The following ANKRD30BL variants were observed in gnomAD, a reference collection of about 807,000 sequenced individuals.
The protein encoded by ANKRD30BL is putative ankyrin repeat domain-containing protein 30B-like.
Under a neutral mutation model 18.4 loss-of-function variants are expected in ANKRD30BL, and 20 were observed. That is an observed-to-expected ratio of 1.09 (90% CI 0.77 to 1.58). ANKRD30BL has a LOEUF of 1.58. ANKRD30BL is among the 40% of genes most tolerant of loss of function. The probability of loss-of-function intolerance (pLI) is 0.00; values close to 1 mark genes in which losing one functional copy is unlikely to be tolerated. For missense variants in ANKRD30BL, 224 were observed against 268.6 expected (o/e 0.83, Z 1.16); for synonymous variants, 72 against 100.9 (o/e 0.71, Z 1.72).
At chr2:132,238,063 C>T (rs1444334865) in intron 1 of ANKRD30BL, among the ~76,000 whole-genome samples, 1 of 151,840 alleles carries the variant, frequency 6.6e-6, no homozygotes, top group African/African-American at 2.4e-5. Context: ...TTTTGAAACA[C>T]TTTTTTTGTA....
intron 1 of ANKRD30BL, among the ~76,000 whole-genome samples, chr2:132,181,250 G>T (rs1232472172): frequency 6.6e-6 from 1 of 152,080 alleles, no homozygotes; most frequent in Non-Finnish European, 1.5e-5. Context: ...GACGTGGGCG[G>T]ATTGCCTGAG....
At chr2:132,184,291 C>G (rs1688526924) in intron 1 of ANKRD30BL, among the ~76,000 whole-genome samples, 1 of 152,076 alleles carries the variant, frequency 6.6e-6, no homozygotes, top group Admixed American at 6.5e-5. Context: ...CTATTATTGA[C>G]CTTAATACAT....
At chr2:132,225,993 T>G (rs1401493322) in intron 1 of ANKRD30BL, among the ~76,000 whole-genome samples, 1 of 150,604 alleles carries the variant, frequency 6.6e-6, no homozygotes, top group Non-Finnish European at 1.5e-5. Flanking sequence ...GAGGCCTATG[T>G]TGGAAAAGGA....
intron 1 of ANKRD30BL, among the ~76,000 whole-genome samples, chr2:132,212,761 G>A (rs1679390817): frequency 6.6e-6 from 1 of 151,948 alleles, no homozygotes; most frequent in African/African-American, 2.4e-5. Flanking sequence ...GACTCTGCAA[G>A]TGGACATTTG....
chr2:132,221,947 C>T (rs1205830887), intron 1 of ANKRD30BL, among the ~76,000 whole-genome samples: 1 of 129,652 alleles, frequency 7.7e-6, no homozygotes, highest in Admixed American at 7.1e-5. Context: ...TGGCCAGCCG[C>T]CCCGTCCGGG....
At chr2:132,218,550 C>G (rs1181819862) in intron 1 of ANKRD30BL, among the ~76,000 whole-genome samples, 2 of 152,238 alleles carry the variant, frequency 1.3e-5, no homozygotes, top group Non-Finnish European at 1.5e-5. Flanking sequence ...TTTGATAGAG[C>G]AGGTTTGAAA....
Position 132,148,167 on chromosome 2 carries a change from C to T in ANKRD30BL, c.741G>A (p.Thr247=), listed in dbSNP as rs753234824. The change falls in exon 6 of 6, where the codon ACG becomes ACA. Residue 247 remains threonine (T), a synonymous_variant. Transcript: ENST00000409867. ...AAPLAERTPD[T]AESLVERTPD... Reference sequence around the variant, plus strand: ...GTGTTCTTTCCACCAAGCTTTCAGCCGTGTCAGGTGTTCTTTCCGCCAAGG... The same window carrying T: ...GTGTTCTTTCCACCAAGCTTTCAGCTGTGTCAGGTGTTCTTTCCGCCAAGG... The T allele has an allele frequency of 6.4e-5, 103 of 1,602,664 alleles. No homozygotes were observed. The East Asian group carries it at 2.3e-3, about 35-fold the overall frequency.
intron 1 of ANKRD30BL, among the ~76,000 whole-genome samples, chr2:132,169,096 A>G (rs986478933): frequency 5.9e-5 from 9 of 152,238 alleles, no homozygotes; most frequent in Admixed American, 5.9e-4. Flanking sequence ...TTTTTGCCCA[A>G]CTGAAATTAT....
chr2:132,171,897 C>CTGG (rs1428486953), intron 1 of ANKRD30BL, among the ~76,000 whole-genome samples: 7 of 152,192 alleles, frequency 4.6e-5, no homozygotes, highest in African/African-American at 1.7e-4. Flanking sequence ...ACACTAGTCC[C>CTGG]TGGTAATGAT....
intron 1 of ANKRD30BL, among the ~76,000 whole-genome samples, chr2:132,176,818 C>T (rs1403370766): frequency 1.3e-5 from 2 of 152,096 alleles, no homozygotes; most frequent in African/African-American, 4.8e-5. Context: ...GCGTATTATG[C>T]TTATGCTTAG....
At chr2:132,233,870 C>A (rs1259502708) in intron 1 of ANKRD30BL, among the ~76,000 whole-genome samples, 1 of 151,904 alleles carries the variant, frequency 6.6e-6, no homozygotes, top group Non-Finnish European at 1.5e-5. Context: ...CACCCCAAAT[C>A]AACAGAATAT....
chr2:132,192,027 G>C (rs1240811894), intron 1 of ANKRD30BL, among the ~76,000 whole-genome samples: 1 of 152,066 alleles, frequency 6.6e-6, no homozygotes, highest in Non-Finnish European at 1.5e-5. Context: ...TAGAGGTGGA[G>C]TTTGATATTT....
intron 1 of ANKRD30BL, among the ~76,000 whole-genome samples, chr2:132,226,957 G>A (rs1679864728): frequency 6.6e-6 from 1 of 151,758 alleles, no homozygotes; most frequent in Non-Finnish European, 1.5e-5. Context: ...TGATAGAGCA[G>A]GTTTGAAACA....
intron 1 of ANKRD30BL, among the ~76,000 whole-genome samples, chr2:132,222,242 C>T (rs1573860236): frequency 6.7e-6 from 1 of 149,660 alleles, no homozygotes; most frequent in Admixed American, 6.7e-5. Context: ...CGGCCAGCCG[C>T]CCCATCCGGG....
intron 1 of ANKRD30BL, among the ~76,000 whole-genome samples, chr2:132,206,256 T>A (rs545638573): frequency 6.6e-6 from 1 of 152,322 alleles, no homozygotes; most frequent in East Asian, 1.9e-4. Flanking sequence ...GTGTAATTTA[T>A]GATTGTGGCT....
chr2:132,222,644 C>T (rs7557033), intron 1 of ANKRD30BL, among the ~76,000 whole-genome samples: 267 of 151,820 alleles, frequency 1.8e-3, no homozygotes, highest in African/African-American at 6.2e-3. Flanking sequence ...GCAGCATGCT[C>T]ATTAAGAGTC....
intron 1 of ANKRD30BL, among the ~76,000 whole-genome samples, chr2:132,157,861 C>T (rs890472808): frequency 5.9e-5 from 9 of 152,124 alleles, no homozygotes; most frequent in Non-Finnish European, 1.2e-4. Flanking sequence ...GTAATTATTT[C>T]TACTACTTAA....
At chr2:132,207,496 C>A (rs1286507371) in intron 1 of ANKRD30BL, among the ~76,000 whole-genome samples, 1 of 152,086 alleles carries the variant, frequency 6.6e-6, no homozygotes, top group Non-Finnish European at 1.5e-5. Flanking sequence ...ATTATCGGAC[C>A]AAACCATAAG....
At chr2:132,218,622 G>C (rs1183329445) in intron 1 of ANKRD30BL, among the ~76,000 whole-genome samples, 3 of 152,150 alleles carry the variant, frequency 2.0e-5, no homozygotes, top group African/African-American at 7.2e-5. Context: ...TGGTAGAAAA[G>C]GAATTATATT....
Sources: gnomAD v4.1 joint callset for allele counts (sites outside exome capture counted in the v4.1 genomes callset) on GRCh38, gnomAD v4.1.1 for gene constraint, MANE v1.5 for transcripts, NCBI Gene and HGNC (gene_info 2026-07-23, HGNC 2026-07-21) for gene names.